The following SDHAF4 variants were observed in gnomAD, a reference collection of about 807,000 sequenced individuals.
The protein encoded by SDHAF4 is succinate dehydrogenase assembly factor 4, mitochondrial.
A neutral mutation model predicts 14.3 loss-of-function variants in SDHAF4; 14 were observed. The observed-to-expected ratio is 0.98, with a 90% CI of 0.65 to 1.53. The LOEUF is 1.53. Among genes scored for constraint, SDHAF4 ranks in the 40% most tolerant of loss-of-function variants. SDHAF4 has a pLI of 0.00. For missense variants in SDHAF4, 141 were observed against 129.3 expected (o/e 1.09, Z -0.44); for synonymous variants, 63 against 47.3 (o/e 1.33, Z -1.36).
chr6:70,569,577 C>A (rs1338220063), intron 1 of SDHAF4, among the ~76,000 whole-genome samples: 2 of 152,164 alleles, frequency 1.3e-5, no homozygotes, highest in Admixed American at 6.5e-5. Context: ...TATTTATATT[C>A]TTTACATATA....
intron 2 of SDHAF4, among the ~76,000 whole-genome samples, chr6:70,588,033 T>C (rs1765223512): frequency 6.6e-6 from 1 of 152,236 alleles, no homozygotes; most frequent in Admixed American, 6.5e-5. Context: ...TCCATTTTAC[T>C]GGTCAGAAAA....
intron 2 of SDHAF4, among the ~76,000 whole-genome samples, chr6:70,583,331 T>G (rs1491004139): frequency 6.6e-6 from 1 of 152,220 alleles, no homozygotes; most frequent in Non-Finnish European, 1.5e-5. Context: ...CAGGCTGGTC[T>G]CGAACTCCTG....
the SDHAF4 span, among the ~76,000 whole-genome samples, chr6:70,597,299 ATTTTTTTTTT>A: frequency 5.6e-5 from 6 of 108,100 alleles, no homozygotes; most frequent in Non-Finnish European, 1.1e-4. Flanking sequence ...CGCCTGGCTA[ATTTTTTTTTT>A]TTTTTTTTTT....
chr6:70,591,334 ATTTTTTT>A (rs76350573), downstream of SDHAF4, among the ~76,000 whole-genome samples: 20 of 101,274 alleles, frequency 2.0e-4, no homozygotes, highest in African/African-American at 3.6e-4. Flanking sequence ...GAGAGGAAAG[ATTTTTTT>A]TTTTTTTTTT....
At chr6:70,591,604 G>T (rs1434011197), downstream of SDHAF4, among the ~76,000 whole-genome samples, 1 of 152,068 alleles carries the variant, frequency 6.6e-6, no homozygotes, top group East Asian at 1.9e-4. Flanking sequence ...GCTGGGCCAG[G>T]TGTGAGCCAC....
At chr6:70,568,174 G>A (rs1246244181) in intron 1 of SDHAF4, among the ~76,000 whole-genome samples, 1 of 152,174 alleles carries the variant, frequency 6.6e-6, no homozygotes, top group African/African-American at 2.4e-5. Flanking sequence ...TACAGAAAGT[G>A]AAAGTCCTAC....
chr6:70,595,372 A>G, the SDHAF4 span, among the ~76,000 whole-genome samples: 1 of 152,188 alleles, frequency 6.6e-6, no homozygotes, highest in African/African-American at 2.4e-5. Context: ...AGAGAATAAG[A>G]ATTATTATCC....
chr6:70,586,589 C>T (rs2128536118), intron 2 of SDHAF4, among the ~76,000 whole-genome samples: 1 of 151,964 alleles, frequency 6.6e-6, no homozygotes, highest in South Asian at 2.1e-4. Flanking sequence ...AAACTGTCTG[C>T]CCACAGGATG....
Position 70,589,545 on chromosome 6 carries a change from C to T in SDHAF4, c.*821C>T, listed in dbSNP as rs1418340127. The T allele has an allele frequency of 6.6e-6, 1 of 152,154 alleles. No individual in the cohort carries two copies. Among genetic ancestry groups the T allele is most frequent in the East Asian group, 1.9e-4 (1 of 5,204 alleles). The allele number at this position is 152,154 out of a possible 1,614,324, so 9.4% of individuals were successfully genotyped here. On this transcript the variant is annotated 3_prime_UTR_variant, in exon 3 of 3. Transcript: ENST00000370474. Reference sequence around the variant, plus strand: ...TAATCAGTTGCTTATAAAATGCATACATAAATAAAATAATTTTTAAAAAAT... The same window carrying T: ...TAATCAGTTGCTTATAAAATGCATATATAAATAAAATAATTTTTAAAAAAT...
intron 2 of SDHAF4, among the ~76,000 whole-genome samples, chr6:70,581,182 G>A (rs565042747): frequency 3.3e-5 from 5 of 151,968 alleles, no homozygotes; most frequent in South Asian, 2.1e-4. Context: ...AACCCCCCTC[G>A]GCCTCCCAAA....
At chr6:70,572,091 CAA>C (rs1254609051) in intron 1 of SDHAF4, among the ~76,000 whole-genome samples, 1 of 70,876 alleles carries the variant, frequency 1.4e-5, no homozygotes, top group Non-Finnish European at 2.5e-5. Flanking sequence ...TTTTTTGAGA[CAA>C]AGTCTTGCTC....
rs774226549 is a variant in SDHAF4, at chr6:70,566,979, C to G, written c.39C>G (p.Val13=). Residue 13 remains valine, a synonymous_variant, in exon 1 of 3, where the codon GTC becomes GTG. Coordinates refer to ENST00000370474, the MANE Select transcript of SDHAF4 (RefSeq NM_145267.3). The part of the protein sequence containing the change: ...PSRLPWLLSW[V]SATAWRAARS... Reference sequence around the variant, plus strand: ...GGCTTCCCTGGTTGCTTAGCTGGGTCTCGGCCACGGCGTGGAGAGCGGCAA... The same window carrying G: ...GGCTTCCCTGGTTGCTTAGCTGGGTGTCGGCCACGGCGTGGAGAGCGGCAA... The G allele has an allele frequency of 4.4e-6, 7 of 1,592,518 alleles. No individual in the cohort carries two copies. In the East Asian group the frequency reaches 9.1e-5, roughly 21 times the overall value.
chr6:70,585,650 G>A (rs1394588869), intron 2 of SDHAF4, among the ~76,000 whole-genome samples: 2 of 152,196 alleles, frequency 1.3e-5, no homozygotes, highest in African/African-American at 2.4e-5. Flanking sequence ...CCGTTAGAGA[G>A]GCCTTCAAGG....
At chr6:70,571,028 G>A (rs1436098615) in intron 1 of SDHAF4, among the ~76,000 whole-genome samples, 1 of 152,020 alleles carries the variant, frequency 6.6e-6, no homozygotes, top group African/African-American at 2.4e-5. Flanking sequence ...AAAAAATATG[G>A]TATTAGCTAC....
At chr6:70,574,259 G>A (rs7752676) in intron 1 of SDHAF4, among the ~76,000 whole-genome samples, 6,301 of 151,808 alleles carry the variant, frequency 0.042, 336 homozygotes, top group African/African-American at 0.13. Flanking sequence ...GGTGGAGGTT[G>A]CAGTGAGCTG....
At chr6:70,570,855 C>T (rs1210163932) in intron 1 of SDHAF4, among the ~76,000 whole-genome samples, 8 of 151,936 alleles carry the variant, frequency 5.3e-5, no homozygotes, top group Non-Finnish European at 1.2e-4. Flanking sequence ...TTCTAGCTAT[C>T]TCCCAAATAA....
chr6:70,574,277 A>C (rs1285842965), intron 1 of SDHAF4, among the ~76,000 whole-genome samples: 23 of 151,732 alleles, frequency 1.5e-4, no homozygotes, highest in Non-Finnish European at 8.8e-5. Flanking sequence ...CTGAGATCAC[A>C]CCACTGCACT....
At chr6:70,567,067 A>G in intron 1 of SDHAF4, 63 bp downstream of exon 1, 1 of 1,463,276 alleles carries the variant, frequency 6.8e-7, no homozygotes, top group Middle Eastern at 2.2e-4. Context: ...GCGCAGAGAG[A>G]AGCGCCTCCC....
At chr6:70,584,900 A>G (rs1765178703) in intron 2 of SDHAF4, among the ~76,000 whole-genome samples, 1 of 152,226 alleles carries the variant, frequency 6.6e-6, no homozygotes, top group African/African-American at 2.4e-5. Flanking sequence ...AGATGAAACT[A>G]TGAACCAGAT....
Sources: allele counts gnomAD v4.1 joint callset (sites outside exome capture counted in the v4.1 genomes callset), GRCh38; gene constraint gnomAD v4.1.1; transcripts MANE v1.5; gene names NCBI Gene and HGNC (gene_info 2026-07-23, HGNC 2026-07-21).